Variants in DPY19L2 observed in about 807,000 individuals in gnomAD.
DPY19L2 encodes dpy-19 like 2.
Under a neutral mutation model 97.9 loss-of-function variants are expected in DPY19L2, and 34 were observed. The ratio of observed to expected loss-of-function variants is 0.35; its 90% CI spans 0.26 to 0.46. DPY19L2 has a LOEUF of 0.46. DPY19L2 is among the 20% of genes least tolerant of loss of function. The pLI is 1.00. For missense variants in DPY19L2, 623 were observed against 911.4 expected, an observed-to-expected ratio of 0.68 and a Z score of 4.07; for synonymous variants, 230 against 307.9, an observed-to-expected ratio of 0.75 and a Z score of 2.65.
intron 11 of DPY19L2, among the ~76,000 whole-genome samples, chr12:63,613,124 G>C (rs1592570390): frequency 6.6e-6 from 1 of 152,252 alleles, no homozygotes; most frequent in East Asian, 1.9e-4. Flanking sequence ...GAAAACTGGA[G>C]AAGAGGGAAC....
At chr12:63,648,563 G>T (rs1378010196) in intron 4 of DPY19L2, among the ~76,000 whole-genome samples, 1 of 151,962 alleles carries the variant, frequency 6.6e-6, no homozygotes, top group Non-Finnish European at 1.5e-5. Flanking sequence ...AAGTAGCTGG[G>T]ATTACAAGTG....
At chr12:63,595,277 A>G (rs1171224211) in intron 15 of DPY19L2, among the ~76,000 whole-genome samples, 1 of 152,200 alleles carries the variant, frequency 6.6e-6, no homozygotes. Context: ...TACTGGCTTA[A>G]GACTTGATAG....
At chr12:63,621,461 A>G in intron 8 of DPY19L2, 124 bp from the exon 9 acceptor site, 1 of 702,656 alleles carries the variant, frequency 1.4e-6, no homozygotes, top group Non-Finnish European at 2.5e-6. Context: ...ATACAACAAA[A>G]TATAGTTAAC....
chr12:63,605,406 G>A (rs1885870693), intron 12 of DPY19L2, among the ~76,000 whole-genome samples: 4 of 152,208 alleles, frequency 2.6e-5, no homozygotes, highest in Admixed American at 2.0e-4. Flanking sequence ...ACTGGATGGA[G>A]TTTCAGGAGA....
chr12:63,601,518 G>A (rs1885186028), intron 12 of DPY19L2, among the ~76,000 whole-genome samples: 1 of 152,108 alleles, frequency 6.6e-6, no homozygotes, highest in Admixed American at 6.5e-5. Context: ...AATCGAAAAG[G>A]AGGCAACGAA....
At chr12:63,628,637 G>C in intron 6 of DPY19L2, among the ~76,000 whole-genome samples, 1 of 152,000 alleles carries the variant, frequency 6.6e-6, no homozygotes, top group Non-Finnish European at 1.5e-5. Context: ...TCCACCTCTG[G>C]GGGCAGGACG....
intron 4 of DPY19L2, among the ~76,000 whole-genome samples, chr12:63,657,559 G>GT (rs34736624): frequency 0.24 from 36,057 of 149,654 alleles, 4,652 homozygotes; most frequent in East Asian, 0.45. Context: ...TAACATTTAG[G>GT]TTTTTTTTTT....
chr12:63,603,788 T>C (rs1336638524), intron 12 of DPY19L2, among the ~76,000 whole-genome samples: 1 of 152,156 alleles, frequency 6.6e-6, no homozygotes, highest in African/African-American at 2.4e-5. Context: ...ACATTTGGGT[T>C]GATTCCATGC....
chr12:63,667,352 T>G (rs1896450558), intron 1 of DPY19L2, among the ~76,000 whole-genome samples: 3 of 152,278 alleles, frequency 2.0e-5, no homozygotes, highest in African/African-American at 7.2e-5. Context: ...TTTCCAAAGA[T>G]GCTCAAAATC....
intron 16 of DPY19L2, among the ~76,000 whole-genome samples, chr12:63,593,764 C>T (rs1229908882): frequency 6.6e-6 from 1 of 151,624 alleles, no homozygotes; most frequent in East Asian, 1.9e-4. Flanking sequence ...ACATTGTGCA[C>T]ATGTACCCTA....
intron 21 of DPY19L2, among the ~76,000 whole-genome samples, chr12:63,562,798 C>CTTTTTTTTTTTTTTTTTT (rs59380942): frequency 7.2e-6 from 1 of 139,620 alleles, no homozygotes. Flanking sequence ...TCCTTTTGTC[C>CTTTTTTTTTTTTTTTTTT]TTTTTTTTTT....
chr12:63,603,981 G>A lies in DPY19L2; in HGVS notation c.1279-3595C>T, dbSNP rs146753283. 1.3e-4 allele frequency among the ~76,000 whole-genome samples: 20 copies of A among 152,214 alleles called. No homozygotes were observed. In the East Asian group the frequency reaches 3.3e-3, roughly 25 times the overall value. On this transcript the variant is annotated intron_variant, in intron 12 of 21. Transcript: ENST00000324472. ...ATAGAAAACTCAGAAATAAAACCAC[G>A]TATCTACAACCATCTGGTCTTTCAC...
intron 16 of DPY19L2, among the ~76,000 whole-genome samples, chr12:63,585,434 A>G (rs1367096977): frequency 2.0e-5 from 3 of 152,072 alleles, no homozygotes; most frequent in African/African-American, 4.8e-5. Flanking sequence ...CTTTGTATGC[A>G]GTAGTTTTTT....
At chr12:63,639,005 G>GT (rs1892234220) in intron 6 of DPY19L2, among the ~76,000 whole-genome samples, 1 of 152,046 alleles carries the variant, frequency 6.6e-6, no homozygotes, top group Non-Finnish European at 1.5e-5. Context: ...CCAAAACTGA[G>GT]ATATAGATCA....
chr12:63,631,531 G>C (rs1214634107), intron 6 of DPY19L2, among the ~76,000 whole-genome samples: 1 of 152,044 alleles, frequency 6.6e-6, no homozygotes, highest in Non-Finnish European at 1.5e-5. Context: ...TTGAATCTCT[G>C]AATAGACCAA....
At chr12:63,600,481 T>C (rs1420460754) in intron 12 of DPY19L2, 95 bp from the exon 13 acceptor site, 1 of 1,056,552 alleles carries the variant, frequency 9.5e-7, no homozygotes, top group African/African-American at 1.6e-5. Flanking sequence ...AAAATTTAAT[T>C]ATGTGAGGTA....
intron 6 of DPY19L2, among the ~76,000 whole-genome samples, chr12:63,639,784 A>T (rs960937019): frequency 1.3e-5 from 2 of 152,166 alleles, no homozygotes; most frequent in Non-Finnish European, 2.9e-5. Context: ...ACTGTGGAAG[A>T]CAGTGTGGCA....
chr12:63,571,537 G>A (rs1307475324), intron 19 of DPY19L2, among the ~76,000 whole-genome samples: 3 of 152,134 alleles, frequency 2.0e-5, no homozygotes, highest in East Asian at 1.9e-4. Context: ...GCTATGAAGG[G>A]CAAGTCTCAT....
At chr12:63,598,540 C>T (rs1235250738) in intron 13 of DPY19L2, among the ~76,000 whole-genome samples, 1 of 152,156 alleles carries the variant, frequency 6.6e-6, no homozygotes, top group Non-Finnish European at 1.5e-5. Context: ...TTATATACAA[C>T]CTGCTCTTGG....
Sources: gnomAD v4.1 joint callset for allele counts (sites outside exome capture counted in the v4.1 genomes callset) on GRCh38, gnomAD v4.1.1 for gene constraint, MANE v1.5 for transcripts, NCBI Gene and HGNC (gene_info 2026-07-23, HGNC 2026-07-21) for gene names.